Variants in DNAH7 observed in about 807,000 individuals in gnomAD.
The protein encoded by DNAH7 is dynein axonemal heavy chain 7.
In DNAH7, 397 loss-of-function variants were observed where a neutral mutation model predicts 444.6. That is an observed-to-expected ratio of 0.89 (90% confidence interval 0.82 to 0.97). DNAH7 has a LOEUF of 0.97. Among genes scored for constraint, DNAH7 ranks in the 50% least tolerant of loss-of-function variants. The probability of loss-of-function intolerance (pLI) is 0.00; values close to 1 mark genes in which losing one functional copy is unlikely to be tolerated. For missense variants in DNAH7, 4,902 were observed against 4,800.8 expected (o/e 1.02, Z -0.62); for synonymous variants, 1,636 against 1,624.4 (o/e 1.01, Z -0.17).
chr2:195,750,007 G>T (rs868431897), intron 63 of DNAH7, among the ~76,000 whole-genome samples: 13 of 151,618 alleles, frequency 8.6e-5, no homozygotes, highest in African/African-American at 1.9e-4. Context: ...ATAAAATAAA[G>T]AAATAAAATA....
rs756015292 is a variant in DNAH7 at position 195,775,870 on chromosome 2, T to C, written c.11178A>G (p.Leu3726=). The C allele has an allele frequency of 1.2e-6, 2 of 1,614,132 alleles. No homozygotes were observed. The highest frequency in any genetic ancestry group is 1.3e-5 in the African/African-American group (1 of 75,034). The part of the protein sequence containing the change: ...ITKDQSETQL[L]FDNILLTQSR... ...CCTGTGTAAGAAGAATGTTATCAAA[T>C]AGCAGCTGAGTTTCTGACTGATCCT... The change falls in exon 60 of 65, where the codon CTA becomes CTG. Residue 3726 remains leucine, a synonymous_variant. Coordinates refer to ENST00000312428, the MANE Select transcript of DNAH7 (RefSeq NM_018897.3).
intron 46 of DNAH7, among the ~76,000 whole-genome samples, chr2:195,846,264 A>T (rs979314450): frequency 6.6e-6 from 1 of 152,226 alleles, no homozygotes; most frequent in Admixed American, 6.5e-5. Context: ...AAAAATGCTC[A>T]ACATCGCTAG....
intron 45 of DNAH7, among the ~76,000 whole-genome samples, chr2:195,853,963 T>C (rs993454600): frequency 4.6e-5 from 7 of 152,190 alleles, no homozygotes; most frequent in Non-Finnish European, 1.0e-4. Flanking sequence ...TTTAATAATT[T>C]ATGATTATTT....
chr2:195,940,533 T>C (rs1028677410), intron 19 of DNAH7, among the ~76,000 whole-genome samples: 29 of 152,070 alleles, frequency 1.9e-4, no homozygotes, highest in Non-Finnish European at 3.5e-4. Flanking sequence ...AAATGGGATA[T>C]AATTAAACTA....
intron 47 of DNAH7, among the ~76,000 whole-genome samples, chr2:195,835,940 T>C (rs1045819714): frequency 2.0e-5 from 3 of 152,226 alleles, no homozygotes; most frequent in Non-Finnish European, 2.9e-5. Flanking sequence ...TGTGTCACTC[T>C]GGCTGCCATA....
chr2:195,739,883 T>G (rs1484854404), intron 64 of DNAH7, among the ~76,000 whole-genome samples: 4 of 152,354 alleles, frequency 2.6e-5, no homozygotes, highest in Admixed American at 1.3e-4. Flanking sequence ...CAAGTGTCCT[T>G]TTCGTGGCCT....
chr2:195,895,138 G>C lies in DNAH7; in HGVS notation c.4734C>G (p.Ala1578=). 6.2e-7 allele frequency: 1 copy of C among 1,613,514 alleles called. No homozygotes were observed. Among genetic ancestry groups the C allele is most frequent in the Non-Finnish European group, 8.5e-7 (1 of 1,179,698 alleles). ...ATGCAGTCATTTGCAAATTCATGGA[G>C]GCACAATTGTCTTTGATAGCTGCCA... is the stretch of plus-strand genomic sequence containing the variant. ...DLLAAIKDNC[A]SMNLQMTAFF... is the part of the protein sequence containing the mutation. The change falls in exon 30 of 65, where the codon GCC becomes GCG. Residue 1578 remains alanine (A), a synonymous_variant. Coordinates refer to ENST00000312428, the MANE Select transcript of DNAH7 (RefSeq NM_018897.3).
chr2:195,774,287 A>ATGTT (rs1211016839), intron 60 of DNAH7, among the ~76,000 whole-genome samples: 12 of 152,234 alleles, frequency 7.9e-5, no homozygotes, highest in Admixed American at 4.6e-4. Flanking sequence ...CTACTCATTC[A>ATGTT]TGTTTGCACA....
chr2:195,874,710 T>C (rs1419058846), intron 38 of DNAH7, among the ~76,000 whole-genome samples: 2 of 152,148 alleles, frequency 1.3e-5, no homozygotes, highest in East Asian at 3.8e-4. Flanking sequence ...TAGTCCTAGC[T>C]GCTCAGGAGG....
intron 12 of DNAH7, chr2:195,994,443 G>A (rs1346067957): frequency 1.7e-6 from 1 of 595,606 alleles, no homozygotes; most frequent in Non-Finnish European, 3.1e-6. Flanking sequence ...GGCTGGGGAG[G>A]CCAAGGGAGA....
intron 61 of DNAH7, among the ~76,000 whole-genome samples, chr2:195,763,104 G>C (rs957071336): frequency 2.6e-5 from 4 of 152,136 alleles, no homozygotes; most frequent in African/African-American, 9.7e-5. Flanking sequence ...ATATGCTCCT[G>C]AAGACCAGTG....
At chr2:195,767,239 T>C (rs1203631166) in intron 61 of DNAH7, among the ~76,000 whole-genome samples, 1 of 152,122 alleles carries the variant, frequency 6.6e-6, no homozygotes, top group Admixed American at 6.5e-5. Flanking sequence ...GTATTTCTCA[T>C]TGTGCTTTTG....
chr2:195,984,670 T>A lies in DNAH7; in HGVS notation c.1795A>T (p.Ser599Cys), dbSNP rs776099927. The A allele has an allele frequency of 1.2e-6, 2 of 1,614,032 alleles. No homozygotes were observed. Among genetic ancestry groups the A allele is most frequent in the South Asian group, 1.1e-5 (1 of 91,076 alleles). ...AGTTCTGCTGTATTTGGAGGAGTGC[T>A]AAGAGCTTTTTCAGCTATCCTCTCA... ...EFERIAEKALSTPPNTAELME... is the reference protein window; with the variant it reads ...EFERIAEKALCTPPNTAELME... Residue 599 changes from serine to cysteine, a missense_variant, in exon 15 of 65, where the codon AGC becomes TGC. Transcript: ENST00000312428.
chr2:195,868,282 G>A (rs1700476164), intron 40 of DNAH7, among the ~76,000 whole-genome samples: 1 of 151,460 alleles, frequency 6.6e-6, no homozygotes, highest in South Asian at 2.1e-4. Flanking sequence ...ATTTTTAGTA[G>A]AGACAGGGTT....
intron 34 of DNAH7, 89 bp downstream of exon 34, chr2:195,886,052 C>A: frequency 2.8e-6 from 4 of 1,442,844 alleles, no homozygotes; most frequent in Non-Finnish European, 3.7e-6. Context: ...ACTTCAGGGG[C>A]AAAATGAGTT....
At chr2:195,740,638 TATATATACATATACAC>T (rs1163115285) in intron 64 of DNAH7, 112 bp downstream of exon 64, 66 of 95,282 alleles carry the variant, frequency 6.9e-4, no homozygotes, top group East Asian at 2.2e-3. Flanking sequence ...TATATATATA[TATATATACATATACAC>T]ACACACATAT....
At chr2:195,961,948 A>G (rs1433074940) in intron 17 of DNAH7, among the ~76,000 whole-genome samples, 6 of 152,204 alleles carry the variant, frequency 3.9e-5, no homozygotes, top group Admixed American at 2.0e-4. Flanking sequence ...TCAGCGAAAT[A>G]AATTTAAAAT....
chr2:195,840,250 A>G (rs558874798), intron 47 of DNAH7, among the ~76,000 whole-genome samples: 57 of 151,928 alleles, frequency 3.8e-4, no homozygotes, highest in Non-Finnish European at 7.8e-4. Flanking sequence ...CTAAACATAA[A>G]AAAACTGTAG....
At chr2:195,780,232 C>T (rs1695307179) in intron 58 of DNAH7, among the ~76,000 whole-genome samples, 1 of 151,920 alleles carries the variant, frequency 6.6e-6, no homozygotes, top group African/African-American at 2.4e-5. Flanking sequence ...TTGACATTGG[C>T]ACTCTCAAAA....
Sources: allele counts gnomAD v4.1 joint callset (sites outside exome capture counted in the v4.1 genomes callset), GRCh38; gene constraint gnomAD v4.1.1; transcripts MANE v1.5; gene names NCBI Gene and HGNC (gene_info 2026-07-23, HGNC 2026-07-21).